Variants in CENPQ observed in about 807,000 individuals in gnomAD.
The protein encoded by CENPQ is chromosome 6 open reading frame 139.
Under a neutral mutation model 36.6 loss-of-function variants are expected in CENPQ, and 27 were observed. The observed-to-expected ratio is 0.74, with a 90% CI of 0.54 to 1.02. The LOEUF is 1.02. CENPQ is among the 50% of genes least tolerant of loss of function. The pLI is 0.00. For synonymous variants in CENPQ, 101 were observed against 101.7 expected, an observed-to-expected ratio of 0.99 and a Z score of 0.04; for missense variants, 306 against 301.8, an observed-to-expected ratio of 1.01 and a Z score of -0.10.
At chr6:49,488,734 C>T in intron 8 of CENPQ, 50 bp downstream of exon 8, 1 of 1,467,376 alleles carries the variant, frequency 6.8e-7, no homozygotes, top group South Asian at 1.2e-5. Flanking sequence ...AGAGATGTTG[C>T]AAATTTGGAT....
intron 1 of CENPQ, among the ~76,000 whole-genome samples, chr6:49,464,912 C>T (rs1430564961): frequency 6.6e-6 from 1 of 152,190 alleles, no homozygotes. Context: ...GATATTTTGA[C>T]CTCCTCCCGT....
Position 49,484,885 on chromosome 6 carries a change from G to A in CENPQ, c.478-3467G>A, listed in dbSNP as rs139349684. 5.2e-3 allele frequency among the ~76,000 whole-genome samples: 798 copies of A among 152,214 alleles called. 6 individuals carry two copies. Among genetic ancestry groups the A allele is most frequent in the Non-Finnish European group, 7.9e-3 (535 of 68,008 alleles). On this transcript the variant is annotated intron_variant, in intron 6 of 8. Coordinates refer to ENST00000335783, the MANE Select transcript of CENPQ (RefSeq NM_018132.4). ...ACGTTTATTTAGGTTATTTTAAAAG[G>A]TTTGAAAGTATAATCATGGAGAATT...
chr6:49,468,680 T>C (rs1000854718), intron 1 of CENPQ, among the ~76,000 whole-genome samples: 2 of 152,166 alleles, frequency 1.3e-5, no homozygotes, highest in Non-Finnish European at 2.9e-5. Context: ...ACAGAATCAC[T>C]TCTACTATAT....
At chr6:49,478,365 A>T (rs374276857) in intron 5 of CENPQ, among the ~76,000 whole-genome samples, 1 of 152,300 alleles carries the variant, frequency 6.6e-6, no homozygotes, top group African/African-American at 2.4e-5. Flanking sequence ...CATCTCCCAA[A>T]TTGCTATTTC....
intron 5 of CENPQ, among the ~76,000 whole-genome samples, chr6:49,473,132 C>T (rs1768185416): frequency 6.6e-6 from 1 of 152,112 alleles, no homozygotes; most frequent in South Asian, 2.1e-4. Flanking sequence ...ACAGTTTTGT[C>T]AACTTGAACT....
At chr6:49,467,896 G>A (rs948185016) in intron 1 of CENPQ, among the ~76,000 whole-genome samples, 1 of 152,168 alleles carries the variant, frequency 6.6e-6, no homozygotes. Flanking sequence ...TACAGTGTAT[G>A]TTTGGGAGGC....
chr6:49,485,557 A>G (rs111243865), intron 6 of CENPQ, among the ~76,000 whole-genome samples: 2 of 152,214 alleles, frequency 1.3e-5, no homozygotes, highest in African/African-American at 4.8e-5. Flanking sequence ...TATCAAGTGA[A>G]CTGAAATAAA....
At chr6:49,491,442 C>T (rs549672304) in intron 8 of CENPQ, among the ~76,000 whole-genome samples, 1 of 152,092 alleles carries the variant, frequency 6.6e-6, no homozygotes, top group African/African-American at 2.4e-5. Context: ...GGATACATTT[C>T]TAGAAGTAAA....
At chr6:49,483,542 G>A (rs1363522215) in intron 6 of CENPQ, among the ~76,000 whole-genome samples, 2 of 152,206 alleles carry the variant, frequency 1.3e-5, no homozygotes, top group South Asian at 4.1e-4. Context: ...ATGTCGGGCT[G>A]CAGGTCCCAA....
At chr6:49,491,643 C>T (rs1768724228) in intron 8 of CENPQ, among the ~76,000 whole-genome samples, 1 of 152,150 alleles carries the variant, frequency 6.6e-6, no homozygotes, top group African/African-American at 2.4e-5. Flanking sequence ...TGGCTGGGCA[C>T]AGTGGCTCAC....
intron 5 of CENPQ, among the ~76,000 whole-genome samples, chr6:49,478,522 C>T (rs1394690951): frequency 6.6e-6 from 1 of 151,952 alleles, no homozygotes; most frequent in Non-Finnish European, 1.5e-5. Flanking sequence ...TTTTAGTTTT[C>T]AGTTCTTACT....
intron 1 of CENPQ, among the ~76,000 whole-genome samples, chr6:49,467,275 A>G (rs903783218): frequency 6.6e-6 from 1 of 152,228 alleles, no homozygotes; most frequent in Admixed American, 6.5e-5. Flanking sequence ...TTAAAAATCA[A>G]TTATTAGTCA....
intron 1 of CENPQ, among the ~76,000 whole-genome samples, chr6:49,464,469 T>G (rs1767949084): frequency 6.6e-6 from 1 of 152,220 alleles, no homozygotes; most frequent in African/African-American, 2.4e-5. Flanking sequence ...TAATGAATTT[T>G]GTACAGCAGT....
At chr6:49,468,484 C>T (rs1294070939) in intron 1 of CENPQ, among the ~76,000 whole-genome samples, 1 of 152,074 alleles carries the variant, frequency 6.6e-6, no homozygotes, top group South Asian at 2.1e-4. Flanking sequence ...GTCCCAGCTA[C>T]TTGGAAGGCT....
At chr6:49,481,107 A>C (rs371840539) in intron 6 of CENPQ, 27 bp downstream of exon 6, 1 of 1,558,458 alleles carries the variant, frequency 6.4e-7, no homozygotes, top group East Asian at 2.3e-5. Context: ...GGGAATCCAT[A>C]ATTAGAGAGT....
At chr6:49,480,385 C>G (rs192892079) in intron 5 of CENPQ, among the ~76,000 whole-genome samples, 1 of 152,230 alleles carries the variant, frequency 6.6e-6, no homozygotes, top group Admixed American at 6.5e-5. Context: ...TATTAAATGC[C>G]ATTCATGTTT....
chr6:49,488,014 G>A (rs941782923), intron 6 of CENPQ, among the ~76,000 whole-genome samples: 1 of 152,142 alleles, frequency 6.6e-6, no homozygotes, highest in African/African-American at 2.4e-5. Flanking sequence ...GAAGGTTGCT[G>A]TATTTGTTGT....
intron 6 of CENPQ, among the ~76,000 whole-genome samples, chr6:49,481,924 G>A (rs947429280): frequency 2.6e-5 from 4 of 152,202 alleles, no homozygotes; most frequent in Non-Finnish European, 4.4e-5. Context: ...CCACGGAGGA[G>A]GGAGGCTCAG....
intron 1 of CENPQ, among the ~76,000 whole-genome samples, chr6:49,467,851 G>A (rs1397891547): frequency 6.6e-6 from 1 of 152,148 alleles, no homozygotes; most frequent in Non-Finnish European, 1.5e-5. Flanking sequence ...CTGAGAGGGT[G>A]GGCAGAGACA....
Sources: allele counts gnomAD v4.1 joint callset (sites outside exome capture counted in the v4.1 genomes callset), GRCh38; gene constraint gnomAD v4.1.1; transcripts MANE v1.5; gene names NCBI Gene and HGNC (gene_info 2026-07-23, HGNC 2026-07-21).